Variants in ZMAT1 observed in about 807,000 individuals in gnomAD.
ZMAT1 encodes zinc finger matrin-type protein 1.
Under a neutral mutation model 18.5 loss-of-function variants are expected in ZMAT1, and 11 were observed. The observed-to-expected ratio is 0.59, with a 90% CI of 0.37 to 0.98. The LOEUF (loss-of-function observed/expected upper bound fraction) is 0.98. Among genes scored for constraint, ZMAT1 ranks in the 50% least tolerant of loss-of-function variants. ZMAT1 has a pLI of 0.01. For missense variants in ZMAT1, 525 were observed against 496.2 expected (o/e 1.06, Z -0.55); for synonymous variants, 211 against 176.4 (o/e 1.20, Z -1.55).
In ZMAT1 at chrX:101,884,163, C is replaced by T. The variant is rs771598424; in HGVS notation, c.1435G>A (p.Val479Ile). The T allele has an allele frequency of 6.6e-6, 8 of 1,209,425 alleles. No homozygotes were observed. The Admixed American group carries it at 1.5e-4, about 23-fold the overall frequency. ...ATTTCTCTGTTCCTGTGTGTTTCTA[C>T]AGAGCTATCTCCTATCTTTCTGAAA... ...TCFRKIGDSS[V>I]ETHRNREMVD... Residue 479 changes from valine to isoleucine, a missense_variant, in exon 6 of 6, where the codon GTA becomes ATA. By Grantham distance (29) the Val-to-Ile change is conservative. Coordinates refer to ENST00000651725, the MANE Select transcript of ZMAT1 (RefSeq NM_001394560.1).
chrX:101,883,297 G>A lies in ZMAT1; in HGVS notation c.*213C>T, dbSNP rs1271392062. On this transcript the variant is annotated 3_prime_UTR_variant, in exon 6 of 6. Transcript: ENST00000651725. ...TTTCCTTTTCTCTTATGTTCTCCTT[G>A]AGTTCTTATGTTCTTTTCTCAGAGG... 4.0e-6 allele frequency: 1 copy of A among 252,512 alleles called. No individual in the cohort carries two copies. The highest frequency in any genetic ancestry group is 5.6e-5 in the African/African-American group (1 of 17,824). The allele number at this position is 252,512 out of a possible 1,213,427, so 20.8% of individuals were successfully genotyped here.
Position 101,884,413 on chromosome X carries a change from C to T in ZMAT1, c.1185G>A (p.Gly395=), listed in dbSNP as rs751697393. The change falls in exon 6 of 6, where the codon GGG becomes GGA. Residue 395 remains glycine, a synonymous_variant. Coordinates refer to ENST00000651725, the MANE Select transcript of ZMAT1 (RefSeq NM_001394560.1). ...KMRENSVDTH[G]YREMVDSGPR... ...GTCCAGAATCAACCATTTCTCTGTA[C>T]CCATGAGTATCCACAGAGTTCTCTC... The T allele has an allele frequency of 1.7e-6, 2 of 1,210,654 alleles. No homozygotes were observed. The highest frequency in any genetic ancestry group is 3.0e-5 in the East Asian group (1 of 33,783).
chrX:101,889,360 G>T (rs1230440291), intron 4 of ZMAT1: 2 of 110,764 alleles, frequency 1.8e-5, no homozygotes, highest in Non-Finnish European at 1.9e-5. Context: ...AGTTCACCCA[G>T]AAACTCAGGC....
intron 4 of ZMAT1, chrX:101,890,269 C>A (rs774322167): frequency 1.8e-5 from 2 of 111,930 alleles, no homozygotes; most frequent in African/African-American, 3.2e-5. Context: ...AAAATATAAT[C>A]CTTTGTCTCA....
Position 101,896,742 on chromosome X carries a change from G to C in ZMAT1, c.676+1126C>G, listed in dbSNP as rs184035615. 2.7e-5 allele frequency among the ~76,000 whole-genome samples: 3 copies of C among 111,719 alleles called. No homozygotes were observed. In the Admixed American group the frequency reaches 2.8e-4, roughly 11 times the overall value. On this transcript the variant is annotated intron_variant, in intron 4 of 5. Transcript: ENST00000651725. ...TACAGAGGATTAATCATCTTTTCTT[G>C]TTCTAGCACATCCATTTACAAAAAT...
Position 101,884,225 on chromosome X carries a change from T to C in ZMAT1, c.1373A>G (p.Lys458Arg). The C allele has an allele frequency of 8.3e-7, 1 of 1,211,285 alleles. No individual in the cohort carries two copies. The highest frequency in any genetic ancestry group is 1.1e-6 in the Non-Finnish European group (1 of 895,190). Residue 458 changes from lysine to arginine, a missense_variant, in exon 6 of 6, where the codon AAA (lysine) becomes AGA (arginine). Physicochemically the swap from Lys to Arg is conservative, Grantham distance 26. Transcript: ENST00000651725. ...CTCTAGTCCTCTGGCTTTCTGCACT[T>C]TTATGTAATCTTCAAGTTCATCTTG... is the stretch of plus-strand genomic sequence containing the variant. ...SFQDELEDYI[K>R]VQKARGLEPK...
chrX:101,918,672 A>G (rs2147665307), intron 1 of ZMAT1: 1 of 110,881 alleles, frequency 9.0e-6, no homozygotes, highest in African/African-American at 3.3e-5. Context: ...AAAGTAAATA[A>G]ATATTATTTT....
intron 1 of ZMAT1, among the ~76,000 whole-genome samples, chrX:101,928,818 T>C (rs938938874): frequency 8.9e-6 from 1 of 112,227 alleles, no homozygotes; most frequent in African/African-American, 3.2e-5. Flanking sequence ...AGGATAAATT[T>C]GATATATTTT....
chrX:101,904,518 A>C (rs1208574006), intron 1 of ZMAT1, among the ~76,000 whole-genome samples, 188 bp from the exon 2 acceptor site: 1 of 111,772 alleles, frequency 8.9e-6, no homozygotes, highest in African/African-American at 3.3e-5. Flanking sequence ...CTAATGTCAG[A>C]TATGGCAAGA....
rs1295602281 is a variant in ZMAT1, at chrX:101,882,440, C to T, written c.*1070G>A. ...TTCAGAACTAGAAAATGCAAAAATA[C>T]ACTGCAAATTAGATTTAACAAAGAA... On this transcript the variant is annotated 3_prime_UTR_variant, in exon 6 of 6. Coordinates refer to ENST00000651725, the MANE Select transcript of ZMAT1 (RefSeq NM_001394560.1). 2 of 111,739 alleles carry T rather than the reference C, an allele frequency of 1.8e-5. No homozygotes were observed. Among genetic ancestry groups the T allele is most frequent in the African/African-American group, 6.5e-5 (2 of 30,696 alleles). 9.2% of individuals were successfully genotyped at this position (111,739 alleles called of 1,213,427 possible). A position where few individuals can be genotyped will look rare whatever the true frequency, so the allele number is the denominator to read the frequency against.
At chrX:101,901,236 C>T (rs1294245288) in intron 2 of ZMAT1, among the ~76,000 whole-genome samples, 2 of 110,860 alleles carry the variant, frequency 1.8e-5, no homozygotes, top group Non-Finnish European at 3.8e-5. Flanking sequence ...TCAAGGTAAA[C>T]GATCATATCA....
chrX:101,899,299 AAATTT>A (rs1186004290), intron 2 of ZMAT1, among the ~76,000 whole-genome samples: 2 of 111,920 alleles, frequency 1.8e-5, no homozygotes, highest in African/African-American at 6.5e-5. Context: ...TTTATTTTTA[AAATTT>A]AATTTAATTA....
chrX:101,931,832 C>T lies in ZMAT1; in HGVS notation c.177G>A (p.Pro59=). Residue 59 remains proline (P), a synonymous_variant, in exon 1 of 6, where the codon CCG becomes CCA. Transcript: ENST00000651725. Reference sequence around the variant, plus strand: ...CGCCGTCGCCACAGCCACCGGCAGGCGGGCAGGCAGGGGCGGAGGTGGCGG... The same window carrying T: ...CGCCGTCGCCACAGCCACCGGCAGGTGGGCAGGCAGGGGCGGAGGTGGCGG... The part of the protein sequence containing the change: ...ASSATSAPAC[P]PAGGCGDGGG... The T allele has an allele frequency of 1.3e-6, 1 of 785,661 alleles. No individual in the cohort carries two copies. The highest frequency in any genetic ancestry group is 1.5e-6 in the Non-Finnish European group (1 of 662,468). The allele number at this position is 785,661 out of a possible 1,213,427, so 64.7% of individuals were successfully genotyped here. A position where few individuals can be genotyped will look rare whatever the true frequency, so the allele number is the denominator to read the frequency against.
At chrX:101,931,429 A>G (rs1447938319) in intron 1 of ZMAT1, 13 of 728,950 alleles carry the variant, frequency 1.8e-5, no homozygotes, top group Non-Finnish European at 2.1e-5. Context: ...ATTATGTGGT[A>G]TTTTTTTTTC....
chrX:101,886,476 C>A (rs757514638), intron 5 of ZMAT1, among the ~76,000 whole-genome samples, 156 bp downstream of exon 5: 1 of 111,416 alleles, frequency 9.0e-6, no homozygotes, highest in Non-Finnish European at 1.9e-5. Flanking sequence ...CCCTGAGGGA[C>A]ACTAGTATGC....
chrX:101,889,048 G>C (rs1278740210), intron 4 of ZMAT1: 1 of 111,665 alleles, frequency 9.0e-6, no homozygotes, highest in Admixed American at 9.5e-5. Context: ...ATGTATTAAA[G>C]ATCCAGAGGC....
chrX:101,884,670 G>A lies in ZMAT1; in HGVS notation c.928C>T (p.Arg310Cys), dbSNP rs769889978. The A allele has an allele frequency of 2.2e-5, 27 of 1,208,003 alleles. No individual in the cohort carries two copies. The highest frequency in any genetic ancestry group is 1.9e-4 in the South Asian group (11 of 56,751). The stretch of plus-strand genomic sequence containing the variant: ...GAATCGACCACTTCTCTGTATCTAC[G>A]GGTTTCCAAAGAACTCTCTTCCATC... ...RKMEESSLETRRYREVVDSRP... is the reference protein window; with the variant it reads ...RKMEESSLETCRYREVVDSRP... The change falls in exon 6 of 6, where the codon CGT becomes TGT. Residue 310 changes from arginine to cysteine, a missense_variant. By Grantham distance (180) the Arg-to-Cys change is radical. Coordinates refer to ENST00000651725, the MANE Select transcript of ZMAT1 (RefSeq NM_001394560.1).
At chrX:101,931,628 G>A (rs1930497497) in intron 1 of ZMAT1, 89 bp downstream of exon 1, 1 of 726,013 alleles carries the variant, frequency 1.4e-6, no homozygotes, top group Non-Finnish European at 1.6e-6. Context: ...TGGGGCAGTG[G>A]CGAACCGCGC....
At position 101,884,778 on chromosome X, in the gene ZMAT1, G is replaced by C; in HGVS notation, c.820C>G (p.Gln274Glu). The C allele has an allele frequency of 8.3e-7, 1 of 1,206,003 alleles. No homozygotes were observed. The stretch of plus-strand genomic sequence containing the variant: ...GCACACTCATTTTGGTAAGAGTCTT[G>C]TGTCTTCCTTGAATTCTTCACTAGA... ...INLVKNSRKT[Q>E]DSYQNECADY... is the part of the protein sequence containing the mutation. The change falls in exon 6 of 6, where the codon CAA (glutamine) becomes GAA (glutamate). Residue 274 changes from glutamine to glutamate, a missense_variant. Coordinates refer to ENST00000651725, the MANE Select transcript of ZMAT1 (RefSeq NM_001394560.1).
Sources: gnomAD v4.1 joint callset for allele counts (sites outside exome capture counted in the v4.1 genomes callset) on GRCh38, gnomAD v4.1.1 for gene constraint, MANE v1.5 for transcripts, NCBI Gene and HGNC (gene_info 2026-07-23, HGNC 2026-07-21) for gene names.